HEXB: variants seen among roughly 807,000 people sequenced by gnomAD.
The protein encoded by HEXB is beta-hexosaminidase subunit beta.
Under a neutral mutation model 71.2 loss-of-function variants are expected in HEXB, and 51 were observed. The ratio of observed to expected loss-of-function variants is 0.72; its 90% CI spans 0.57 to 0.90. The LOEUF is 0.90. Among genes scored for constraint, HEXB ranks in the 40% least tolerant of loss-of-function variants. The pLI is 0.00. For missense variants in HEXB, 617 were observed against 677.0 expected (o/e 0.91, Z 0.98); for synonymous variants, 266 against 249.3 (o/e 1.07, Z -0.63).
At chr5:74,661,523 G>C (rs1468917492) in intron 1 of HEXB, among the ~76,000 whole-genome samples, 508 of 13,410 alleles carry the variant, frequency 0.038, 4 homozygotes, top group African/African-American at 0.11. Flanking sequence ...CTGTGTGTGT[G>C]TGTGTGTGTG....
Position 74,713,514 on chromosome 5 carries a change from T to C in HEXB, c.780T>C (p.Tyr260=). The C allele has an allele frequency of 6.2e-7, 1 of 1,611,650 alleles. No individual in the cohort carries two copies. The highest frequency in any genetic ancestry group is 8.5e-7 in the Non-Finnish European group (1 of 1,177,716). ...AAATATGGCTTTTACAGGGAAGCTA[T>C]TCTTTGTCTCATGTTTATACACCAA... ...TFPELSNKGS[Y]SLSHVYTPND... Residue 260 remains tyrosine, a synonymous_variant, in exon 7 of 14, where the codon TAT becomes TAC. Coordinates refer to ENST00000261416, the MANE Select transcript of HEXB (RefSeq NM_000521.4).
chr5:74,659,947 G>A (rs116811558), intron 1 of HEXB, among the ~76,000 whole-genome samples: 2,168 of 152,234 alleles, frequency 0.014, 22 homozygotes, highest in Admixed American at 0.021. Context: ...AGAAGGGGAG[G>A]GTGAGGGGAA....
chr5:74,698,881 G>A (rs927240166), intron 5 of HEXB, among the ~76,000 whole-genome samples: 16 of 151,868 alleles, frequency 1.1e-4, no homozygotes, highest in Non-Finnish European at 2.1e-4. Context: ...TCTCATTTTA[G>A]ACTTAAAAAA....
chr5:74,714,741 C>T (rs941977868), intron 7 of HEXB, among the ~76,000 whole-genome samples: 3 of 152,148 alleles, frequency 2.0e-5, no homozygotes, highest in African/African-American at 7.2e-5. Context: ...ATGTAAAGCA[C>T]ATAGCACAGT....
At chr5:74,668,310 TTC>T (rs2112098642) in intron 1 of HEXB, among the ~76,000 whole-genome samples, 1 of 152,200 alleles carries the variant, frequency 6.6e-6, no homozygotes, top group East Asian at 1.9e-4. Context: ...CTCTTTTCAG[TTC>T]TGTTTTTTTA....
In HEXB at chr5:74,705,590, T is replaced by A. The variant is rs74666608; in HGVS notation, c.771+270T>A. 2.7e-3 allele frequency: 1,137 copies of A among 424,600 alleles called. 5 individuals carry two copies. Among genetic ancestry groups the A allele is most frequent in the Non-Finnish European group, 4.0e-3 (939 of 232,374 alleles). 26.3% of individuals were successfully genotyped at this position (424,600 alleles called of 1,614,324 possible). A position where few individuals can be genotyped will look rare whatever the true frequency, so the allele number is the denominator to read the frequency against. The stretch of plus-strand genomic sequence containing the variant: ...TTAACAAGGTAGAAGCCCTGAATAA[T>A]TCTCAAATTACATATGGTTAAGATA... On this transcript the variant is annotated intron_variant, in intron 6 of 13. Transcript: ENST00000261416.
chr5:74,693,770 A>G (rs1749053218), intron 3 of HEXB, 66 bp downstream of exon 3: 1 of 1,127,156 alleles, frequency 8.9e-7, no homozygotes. Flanking sequence ...TGCTTTGTGA[A>G]ATTAAGCACA....
intron 1 of HEXB, among the ~76,000 whole-genome samples, chr5:74,687,677 T>C (rs2112126486): frequency 6.6e-6 from 1 of 152,280 alleles, no homozygotes; most frequent in African/African-American, 2.4e-5. Context: ...TTAATTTCTT[T>C]TTTAAAAAAA....
chr5:74,673,712 G>A (rs1345078151), intron 1 of HEXB, among the ~76,000 whole-genome samples: 2 of 152,218 alleles, frequency 1.3e-5, no homozygotes, highest in Non-Finnish European at 2.9e-5. Context: ...AGGGCATGAC[G>A]TATCCCTTTG....
upstream of HEXB, among the ~76,000 whole-genome samples, chr5:74,682,394 C>CCGG (rs900029942): frequency 1.2e-4 from 18 of 152,112 alleles, no homozygotes; most frequent in African/African-American, 4.1e-4. Flanking sequence ...AGAAGATCCT[C>CCGG]CAGCACTAGC....
At chr5:74,642,068 C>T (rs920887364) in intron 1 of HEXB, among the ~76,000 whole-genome samples, 1 of 152,214 alleles carries the variant, frequency 6.6e-6, no homozygotes, top group East Asian at 1.9e-4. Flanking sequence ...AAGGAGGCCC[C>T]ACATGGCGCT....
chr5:74,709,109 A>T (rs1221646157), intron 6 of HEXB, among the ~76,000 whole-genome samples: 1 of 152,252 alleles, frequency 6.6e-6, no homozygotes. Flanking sequence ...ACCACAGTGC[A>T]ATCAAGCTAG....
At chr5:74,696,523 A>G (rs780921007) in intron 3 of HEXB, among the ~76,000 whole-genome samples, 170 bp from the exon 4 acceptor site, 5 of 152,154 alleles carry the variant, frequency 3.3e-5, no homozygotes, top group Non-Finnish European at 5.9e-5. Flanking sequence ...TTGATTTTAG[A>G]AATTATGGTA....
chr5:74,689,548 C>A (rs745802298), intron 2 of HEXB, 75 bp downstream of exon 2: 7 of 1,213,234 alleles, frequency 5.8e-6, no homozygotes, highest in Non-Finnish European at 7.4e-6. Flanking sequence ...AAACTGACTC[C>A]ATGCTAGGAA....
intron 1 of HEXB, among the ~76,000 whole-genome samples, chr5:74,688,474 A>G (rs1184350871): frequency 6.6e-6 from 1 of 152,036 alleles, no homozygotes; most frequent in Non-Finnish European, 1.5e-5. Flanking sequence ...AGCTGGGATT[A>G]CAGGCGCCTG....
chr5:74,683,066 G>A (rs1748769138), upstream of HEXB, among the ~76,000 whole-genome samples: 5 of 152,162 alleles, frequency 3.3e-5, no homozygotes, highest in South Asian at 1.0e-3. Flanking sequence ...GTAATAGAGA[G>A]GAGAAACCTG....
At chr5:74,690,811 A>C (rs1748986449) in intron 2 of HEXB, among the ~76,000 whole-genome samples, 1 of 152,056 alleles carries the variant, frequency 6.6e-6, no homozygotes, top group South Asian at 2.1e-4. Flanking sequence ...TCAATAATAC[A>C]TCTCTTTGAA....
intron 1 of HEXB, among the ~76,000 whole-genome samples, chr5:74,670,186 G>T (rs1748506265): frequency 2.7e-5 from 4 of 150,160 alleles, no homozygotes; most frequent in African/African-American, 7.4e-5. Context: ...TCCCTAACTG[G>T]TTTTTTTTGT....
At chr5:74,665,391 C>T (rs1403695366) in intron 1 of HEXB, among the ~76,000 whole-genome samples, 1 of 150,480 alleles carries the variant, frequency 6.6e-6, no homozygotes, top group Non-Finnish European at 1.5e-5. Flanking sequence ...TATACATGTC[C>T]TCATGCCCAC....
Sources: allele counts gnomAD v4.1 joint callset (sites outside exome capture counted in the v4.1 genomes callset), GRCh38; gene constraint gnomAD v4.1.1; transcripts MANE v1.5; gene names NCBI Gene and HGNC (gene_info 2026-07-23, HGNC 2026-07-21).